The following DMPK variants were observed in gnomAD, a reference collection of about 807,000 sequenced individuals.
DMPK encodes the protein DM1 protein kinase, also known as myotonin-protein kinase.
DMPK carries 32 observed loss-of-function variants against 70.3 expected under a neutral mutation model. The ratio of observed to expected loss-of-function variants is 0.46; its 90% CI spans 0.34 to 0.61. DMPK has a LOEUF of 0.61. Among genes scored for constraint, DMPK ranks in the 20% least tolerant of loss-of-function variants. The pLI is 0.01. For missense variants in DMPK, 899 were observed against 886.0 expected (o/e 1.01, Z -0.19); for synonymous variants, 469 against 390.9 (o/e 1.20, Z -2.36).
Position 45,777,601 on chromosome 19 carries a change from G to A in DMPK, c.883-11C>T, listed in dbSNP as rs758092645. ...CAGAGAGAGGTGCTCCTGCTCAGAG[G>A]GAGAGGAGGCGATAGCCTGGGAGCG... is the stretch of plus-strand genomic sequence containing the variant. On this transcript the variant is annotated splice_polypyrimidine_tract_variant and intron_variant, in intron 7 of 14. Coordinates refer to ENST00000291270, the MANE Select transcript of DMPK (RefSeq NM_004409.5). The surrounding 1 kb of genome is among the most constrained non-coding windows in gnomAD (Gnocchi z 6.7). 6.2e-7 allele frequency: 1 copy of A among 1,613,094 alleles called. No individual in the cohort carries two copies. Among genetic ancestry groups the A allele is most frequent in the Non-Finnish European group, 8.5e-7 (1 of 1,179,568 alleles).
chr19:45,778,329 C>T (rs372879396), intron 5 of DMPK, 109 bp from the exon 6 acceptor site: 48 of 1,379,288 alleles, frequency 3.5e-5, no homozygotes, highest in East Asian at 1.7e-4. Context: ...CCTCGGGTTC[C>T]GCCCCTGTAG....
chr19:45,782,484 C>T lies in DMPK; in HGVS notation c.-132G>A. On this transcript the variant is annotated 5_prime_UTR_variant, in exon 1 of 15. Coordinates refer to ENST00000291270, the MANE Select transcript of DMPK (RefSeq NM_004409.5). ...TGCCTGTCCCTGGCTGTCCCCTGGG[C>T]CTCTCTGGCCACTTCTCTCTGCGGC... is the stretch of plus-strand genomic sequence containing the variant. The T allele has an allele frequency of 9.6e-7, 1 of 1,044,972 alleles. No individual in the cohort carries two copies. The highest frequency in any genetic ancestry group is 1.3e-6 in the Non-Finnish European group (1 of 753,226). The allele number at this position is 1,044,972 out of a possible 1,614,324, so 64.7% of individuals were successfully genotyped here.
Position 45,782,167 on chromosome 19 carries a change from C to A in DMPK, c.160+26G>T, listed in dbSNP as rs192685724. The A allele has an allele frequency of 2.2e-4, 302 of 1,367,858 alleles. 2 individuals are homozygous for A. In the East Asian group the frequency reaches 5.1e-3, roughly 23 times the overall value. 84.7% of individuals were successfully genotyped at this position (1,367,858 alleles called of 1,614,324 possible). ...TCCTGCCCCACCCCCACCCCATCTG[C>A]AGGAGCCCCGAGGGTAGGCACTCAC... On this transcript the variant is annotated intron_variant, in intron 1 of 14. Coordinates refer to ENST00000291270, the MANE Select transcript of DMPK (RefSeq NM_004409.5).
Position 45,770,900 on chromosome 19 carries a change from T to C in DMPK, c.1737+71A>G. 3 of 1,215,860 alleles carry C rather than the reference T, an allele frequency of 2.5e-6. No homozygotes were observed. In the South Asian group the frequency reaches 4.9e-5, roughly 20 times the overall value. 75.3% of individuals were successfully genotyped at this position (1,215,860 alleles called of 1,614,324 possible). A position where few individuals can be genotyped will look rare whatever the true frequency, so the allele number is the denominator to read the frequency against. On this transcript the variant is annotated intron_variant, in intron 14 of 14. Coordinates refer to ENST00000291270, the MANE Select transcript of DMPK (RefSeq NM_004409.5). ...GGGCCCAGCCCCGCAAATGCGCAGCTAAGCGGGTGGCAAGGGGCGGGTGGA... is the reference window on the plus strand; with the variant it reads ...GGGCCCAGCCCCGCAAATGCGCAGCCAAGCGGGTGGCAAGGGGCGGGTGGA...
Position 45,779,420 on chromosome 19 carries a change from C to T in DMPK, c.336+19G>A, listed in dbSNP as rs767174205. 1.4e-5 allele frequency: 22 copies of T among 1,613,932 alleles called. No homozygotes were observed. Among genetic ancestry groups the T allele is most frequent in the Non-Finnish European group, 1.9e-5 (22 of 1,179,964 alleles). The stretch of plus-strand genomic sequence containing the variant: ...GGGCGCGGATCCTCAAAGCCCCCCA[C>T]GTCCGCCCAGCCCCTCACCTCGCCC... On this transcript the variant is annotated intron_variant, in intron 3 of 14. Transcript: ENST00000291270.
intron 4 of DMPK, 154 bp downstream of exon 4, chr19:45,779,110 C>T: frequency 1.3e-6 from 1 of 742,426 alleles, no homozygotes; most frequent in Non-Finnish European, 2.3e-6. Context: ...GAAGGCCCCT[C>T]ATCCACCTGA....
intron 4 of DMPK, chr19:45,778,842 A>G (rs1017364250): frequency 6.8e-6 from 4 of 589,554 alleles, no homozygotes; most frequent in African/African-American, 1.9e-5. Context: ...AAAAAACACA[A>G]ACAAAAAAAC....
At position 45,770,496 on chromosome 19, in the gene DMPK, C is replaced by T; in HGVS notation, c.1882G>A (p.Ala628Thr). The change falls in exon 15 of 15, where the codon GCT (alanine) becomes ACT (threonine). Residue 628 changes from alanine (A) to threonine (T), a missense_variant. Coordinates refer to ENST00000291270, the MANE Select transcript of DMPK (RefSeq NM_004409.5). ...AVWRRPGAARAP is the reference protein window; with the variant it reads ...AVWRRPGAARTP ...GAAGACAGTTCTAGGGTTCAGGGAGCGCGGGCGGCTCCTGGGCGGCGCCAG... is the reference window on the plus strand; with the variant it reads ...GAAGACAGTTCTAGGGTTCAGGGAGTGCGGGCGGCTCCTGGGCGGCGCCAG... The T allele has an allele frequency of 6.5e-7, 1 of 1,550,358 alleles. No individual in the cohort carries two copies. The highest frequency in any genetic ancestry group is 2.4e-5 in the East Asian group (1 of 40,924).
In DMPK at chr19:45,770,190, G is replaced by T; in HGVS notation, c.*298C>A. The T allele has an allele frequency of 1.5e-6, 1 of 672,910 alleles. No homozygotes were observed. The highest frequency in any genetic ancestry group is 2.1e-5 in the African/African-American group (1 of 47,378). 41.7% of individuals were successfully genotyped at this position (672,910 alleles called of 1,614,324 possible). ...CTCAGCCTGGCCGAAAGAAAGAAAT[G>T]GTCTGTGATCCCCCCAGCAGCAGCA... On this transcript the variant is annotated 3_prime_UTR_variant, in exon 15 of 15. Coordinates refer to ENST00000291270, the MANE Select transcript of DMPK (RefSeq NM_004409.5).
At chr19:45,776,286 G>T (rs1346347447) in intron 8 of DMPK, among the ~76,000 whole-genome samples, 2 of 104,538 alleles carry the variant, frequency 1.9e-5, no homozygotes, top group African/African-American at 6.5e-5. Flanking sequence ...TGGGACTACA[G>T]GCGCCCGCCA....
chr19:45,772,059 T>TA (rs1969493130), intron 10 of DMPK, 131 bp from the exon 11 acceptor site: 1 of 1,239,036 alleles, frequency 8.1e-7, no homozygotes, highest in Non-Finnish European at 1.1e-6. Flanking sequence ...GGAATCCCCA[T>TA]AGCTCCTGCA....
intron 1 of DMPK, chr19:45,780,654 G>T: frequency 1.0e-6 from 1 of 1,000,788 alleles, no homozygotes; most frequent in Non-Finnish European, 1.2e-6. Context: ...TGGAAGAAGT[G>T]GAGGCAGGAT....
At position 45,778,148 on chromosome 19, in the gene DMPK, G is replaced by A. The variant is rs758899830; in HGVS notation, c.654C>T (p.Leu218=). 1.2e-6 allele frequency: 2 copies of A among 1,613,086 alleles called. No individual in the cohort carries two copies. The highest frequency in any genetic ancestry group is 2.2e-5 in the South Asian group (2 of 90,856). ...TCACCGTTCCATCTGCCCGCAGCTTGAGGCAAGAGCCGAAGTCGGCCAGGC... is the reference window on the plus strand; with the variant it reads ...TCACCGTTCCATCTGCCCGCAGCTTAAGGCAAGAGCCGAAGTCGGCCAGGC... ...HIRLADFGSC[L]KLRADGTVRS... The change falls in exon 6 of 15, where the codon CTC becomes CTT. Residue 218 remains leucine, a synonymous_variant. Coordinates refer to ENST00000291270, the MANE Select transcript of DMPK (RefSeq NM_004409.5).
rs74399432 is a variant in DMPK at position 45,776,345 on chromosome 19, G to A, written c.1146+982C>T. Among the ~76,000 whole-genome samples the A allele has an allele frequency of 4.2e-4, 19 of 45,400 alleles. 2 individuals are homozygous for A. Among genetic ancestry groups the A allele is most frequent in the Admixed American group, 7.3e-4 (2 of 2,736 alleles). The allele number at this position is 45,400 out of a possible 152,430, so 29.8% of individuals were successfully genotyped here. A position where few individuals can be genotyped will look rare whatever the true frequency, so the allele number is the denominator to read the frequency against. ...TTTTTAGGAGAGATGGGGTTTCACCGTGTTAGCCAAGATGGTCTCGATCTC... is the reference window on the plus strand; with the variant it reads ...TTTTTAGGAGAGATGGGGTTTCACCATGTTAGCCAAGATGGTCTCGATCTC... On this transcript the variant is annotated intron_variant, in intron 8 of 14. Coordinates refer to ENST00000291270, the MANE Select transcript of DMPK (RefSeq NM_004409.5).
chr19:45,771,433 G>A, intron 12 of DMPK, 37 bp from the exon 13 acceptor site: 1 of 1,610,976 alleles, frequency 6.2e-7, no homozygotes, highest in Non-Finnish European at 8.5e-7. Flanking sequence ...GCGCGTGGAG[G>A]GGCGAAGGAG....
At chr19:45,781,679 G>A (rs781430944) in intron 1 of DMPK, among the ~76,000 whole-genome samples, 1 of 152,150 alleles carries the variant, frequency 6.6e-6, no homozygotes, top group Non-Finnish European at 1.5e-5. Flanking sequence ...GTGAGTCACC[G>A]CCCTCCCAGT....
intron 1 of DMPK, chr19:45,780,336 T>C: frequency 6.5e-7 from 1 of 1,542,588 alleles, no homozygotes; most frequent in South Asian, 1.1e-5. Context: ...TAGATTCAGA[T>C]GCAGGTGGTT....
At position 45,777,826 on chromosome 19, in the gene DMPK, C is replaced by T; in HGVS notation, c.723G>A (p.Glu241=). 6.2e-7 allele frequency: 1 copy of T among 1,612,132 alleles called. No individual in the cohort carries two copies. The highest frequency in any genetic ancestry group is 8.5e-7 in the Non-Finnish European group (1 of 1,180,018). The part of the protein sequence containing the change: ...AVGTPDYLSP[E]ILQAVGGGPG... ...GCCCACCGCCCACAGCCTGCAGGAT[C>T]TCGGGGGACAGGTAGTCTGGGGTGC... The change falls in exon 7 of 15, where the codon GAG becomes GAA. Residue 241 remains glutamate (E), a synonymous_variant. Coordinates refer to ENST00000291270, the MANE Select transcript of DMPK (RefSeq NM_004409.5). This position sits in a 1 kb window ranked among gnomAD's most constrained non-coding sequence, Gnocchi z 6.7.
chr19:45,770,945 A>AG (rs1555786649), intron 14 of DMPK, 26 bp downstream of exon 14: 8 of 1,399,868 alleles, frequency 5.7e-6, no homozygotes, highest in Admixed American at 3.2e-5. Context: ...GCGACGGCGG[A>AG]GGGGGGCGTG....
Sources: allele counts gnomAD v4.1 joint callset (sites outside exome capture counted in the v4.1 genomes callset), GRCh38; gene constraint gnomAD v4.1.1; non-coding constraint Gnocchi (gnomAD v3.1); transcripts MANE v1.5; gene names NCBI Gene and HGNC (gene_info 2026-07-23, HGNC 2026-07-21).